The following STK39 variants were observed in gnomAD, a reference collection of about 807,000 sequenced individuals.
The protein encoded by STK39 is STE20/SPS1-related proline-alanine-rich protein kinase.
A neutral mutation model predicts 77.8 loss-of-function variants in STK39; 20 were observed. The ratio of observed to expected loss-of-function variants is 0.26; its 90% confidence interval spans 0.18 to 0.37. The LOEUF (loss-of-function observed/expected upper bound fraction) is 0.37. Among genes scored for constraint, STK39 ranks in the 10% least tolerant of loss-of-function variants. The pLI is 1.00. For synonymous variants in STK39, 246 were observed against 234.1 expected (o/e 1.05, Z -0.47); for missense variants, 479 against 656.5 (o/e 0.73, Z 2.95).
rs139332010 is a variant in STK39, at chr2:168,188,393, C to A, written c.209-6303G>T. Among the ~76,000 whole-genome samples the A allele has an allele frequency of 1.3e-4, 20 of 152,276 alleles. No homozygotes were observed. The East Asian group carries it at 3.3e-3, about 25-fold the overall frequency. ...AGAATTTTGCAGAAAGGCTGAAAATCCAGAATTCTGTGTGACATCTCCTAA... is the reference window on the plus strand; with the variant it reads ...AGAATTTTGCAGAAAGGCTGAAAATACAGAATTCTGTGTGACATCTCCTAA... On this transcript the variant is annotated intron_variant, in intron 1 of 17. Coordinates refer to ENST00000355999, the MANE Select transcript of STK39 (RefSeq NM_013233.3).
chr2:168,120,697 CACT>C (rs2105488478), intron 10 of STK39, among the ~76,000 whole-genome samples: 1 of 152,274 alleles, frequency 6.6e-6, no homozygotes, highest in South Asian at 2.1e-4. Context: ...TAACCTGTGC[CACT>C]TATTATTTTG....
intron 3 of STK39, 45 bp from the exon 4 acceptor site, chr2:168,163,925 C>T (rs1329511273): frequency 6.3e-7 from 1 of 1,596,222 alleles, no homozygotes. Context: ...ACCTTCATCA[C>T]CTTTTCAGAA....
At chr2:167,956,388 C>T (rs1324436721) in intron 17 of STK39, among the ~76,000 whole-genome samples, 1 of 152,016 alleles carries the variant, frequency 6.6e-6, no homozygotes, top group East Asian at 1.9e-4. Flanking sequence ...GAAACCCCGT[C>T]TCTACTAAAA....
At chr2:168,078,104 C>T in intron 10 of STK39, among the ~76,000 whole-genome samples, 1 of 152,076 alleles carries the variant, frequency 6.6e-6, no homozygotes, top group East Asian at 1.9e-4. Flanking sequence ...TTTAAAAAAT[C>T]CATTGCTTCT....
intron 14 of STK39, among the ~76,000 whole-genome samples, chr2:168,046,899 G>A (rs1415363231): frequency 6.6e-6 from 1 of 152,132 alleles, no homozygotes; most frequent in African/African-American, 2.4e-5. Context: ...ATTAAAAGAT[G>A]GGAAGGGAAG....
intron 16 of STK39, among the ~76,000 whole-genome samples, chr2:168,001,521 A>T (rs544375197): frequency 6.3e-3 from 268 of 42,752 alleles, no homozygotes; most frequent in Admixed American, 0.013. Context: ...TCTTTTTTTA[A>T]AAAAAAAAAT....
intron 10 of STK39, among the ~76,000 whole-genome samples, chr2:168,088,720 A>G (rs1205095998): frequency 6.6e-6 from 1 of 152,176 alleles, no homozygotes; most frequent in Non-Finnish European, 1.5e-5. Context: ...GCACACATAC[A>G]CATTTCTAGA....
At chr2:167,989,014 G>C (rs1375794981) in intron 16 of STK39, among the ~76,000 whole-genome samples, 2 of 152,180 alleles carry the variant, frequency 1.3e-5, no homozygotes, top group African/African-American at 4.8e-5. Context: ...AGGGTGAGTG[G>C]CATTCCCAGC....
chr2:168,217,688 A>C (rs1438225341), intron 1 of STK39, among the ~76,000 whole-genome samples: 4 of 152,222 alleles, frequency 2.6e-5, no homozygotes, highest in African/African-American at 9.6e-5. Context: ...CCTAAGACAA[A>C]GTAAATGCTA....
chr2:168,223,086 T>G (rs1481669345), intron 1 of STK39, among the ~76,000 whole-genome samples: 1 of 152,180 alleles, frequency 6.6e-6, no homozygotes, highest in Non-Finnish European at 1.5e-5. Flanking sequence ...CAAAACACAC[T>G]GAGCCAAGTA....
Position 168,182,347 on chromosome 2 carries a change from C to T in STK39, c.209-257G>A, listed in dbSNP as rs141034382. ...AGGGACATGAGCATCTACATACAACCTTGCATGAAAGCCATTTCCATCCTC... is the reference window on the plus strand; with the variant it reads ...AGGGACATGAGCATCTACATACAACTTTGCATGAAAGCCATTTCCATCCTC... On this transcript the variant is annotated intron_variant, in intron 1 of 17. Coordinates refer to ENST00000355999, the MANE Select transcript of STK39 (RefSeq NM_013233.3). Among the ~76,000 whole-genome samples the T allele has an allele frequency of 2.5e-3, 388 of 152,190 alleles. 4 individuals are homozygous for T. Among genetic ancestry groups the T allele is most frequent in the African/African-American group, 9.0e-3 (373 of 41,520 alleles).
intron 1 of STK39, among the ~76,000 whole-genome samples, chr2:168,230,016 A>G (rs1690413063): frequency 6.6e-6 from 1 of 152,230 alleles, no homozygotes; most frequent in African/African-American, 2.4e-5. Context: ...GAGAGTGTAC[A>G]CAAGGGTAGT....
chr2:168,095,623 CTTTTTTTTT>C (rs567675524), intron 10 of STK39, among the ~76,000 whole-genome samples: 1 of 116,074 alleles, frequency 8.6e-6, no homozygotes, highest in Non-Finnish European at 1.6e-5. Flanking sequence ...GTATCTCTTT[CTTTTTTTTT>C]TTTTTTTTTT....
intron 10 of STK39, among the ~76,000 whole-genome samples, chr2:168,095,610 C>T (rs1381987828): frequency 6.9e-6 from 1 of 144,486 alleles, no homozygotes; most frequent in South Asian, 2.2e-4. Context: ...GCTAGCCACT[C>T]GTGTATCTCT....
rs569697745 is a variant in STK39, at chr2:168,180,205, G to T, written c.321+1773C>A. 1.8e-4 allele frequency among the ~76,000 whole-genome samples: 27 copies of T among 152,146 alleles called. No individual in the cohort carries two copies. In the South Asian group the frequency reaches 2.3e-3, roughly 13 times the overall value. On this transcript the variant is annotated intron_variant, in intron 2 of 17. Transcript: ENST00000355999. ...CTACTAAAAATACAAAAATTAGCCGGGCGTGGTGGTGCATGTCTGTAATCC... is the reference window on the plus strand; with the variant it reads ...CTACTAAAAATACAAAAATTAGCCGTGCGTGGTGGTGCATGTCTGTAATCC...
At chr2:168,240,320 T>C (rs1048490676) in intron 1 of STK39, among the ~76,000 whole-genome samples, 3 of 152,230 alleles carry the variant, frequency 2.0e-5, no homozygotes, top group Admixed American at 1.3e-4. Flanking sequence ...CATTTCAGCC[T>C]GGGAGCAACG....
chr2:167,995,749 C>G (rs181917368), intron 16 of STK39, among the ~76,000 whole-genome samples: 1 of 152,148 alleles, frequency 6.6e-6, no homozygotes, highest in African/African-American at 2.4e-5. Context: ...GATTTAGGCT[C>G]GGTATAAAGC....
rs141795561 is a variant in STK39, at chr2:167,962,949, T to C, written c.1563+1713A>G. The stretch of plus-strand genomic sequence containing the variant: ...GAAATGGGCCTACTACCAGAGATAA[T>C]GGTAAAGCAGGAGAGCTGGAGGAGT... On this transcript the variant is annotated intron_variant, in intron 17 of 17. Transcript: ENST00000355999. 1.3e-4 allele frequency among the ~76,000 whole-genome samples: 20 copies of C among 152,102 alleles called. No homozygotes were observed. The East Asian group carries it at 3.5e-3, about 26-fold the overall frequency.
At chr2:168,089,175 T>C (rs550716769) in intron 10 of STK39, among the ~76,000 whole-genome samples, 4 of 152,272 alleles carry the variant, frequency 2.6e-5, no homozygotes, top group Admixed American at 6.5e-5. Context: ...TCCCTCCAAA[T>C]TCACTAATCA....
Sources: gnomAD v4.1 joint callset for allele counts (sites outside exome capture counted in the v4.1 genomes callset) on GRCh38, gnomAD v4.1.1 for gene constraint, MANE v1.5 for transcripts, NCBI Gene and HGNC (gene_info 2026-07-23, HGNC 2026-07-21) for gene names.